GFRA1: variants seen among roughly 807,000 people sequenced by gnomAD.
The protein encoded by GFRA1 is GDNF family receptor alpha 1.
GFRA1 carries 16 observed loss-of-function variants against 51.6 expected under a neutral mutation model. The ratio of observed to expected loss-of-function variants is 0.31; its 90% CI spans 0.21 to 0.47. The LOEUF (loss-of-function observed/expected upper bound fraction) is 0.47, where lower values mean the gene tolerates loss of function less well. GFRA1 is among the 20% of genes least tolerant of loss of function. The pLI is 1.00. For missense variants in GFRA1, 530 were observed against 594.3 expected (o/e 0.89, Z 1.13); for synonymous variants, 270 against 241.3 (o/e 1.12, Z -1.10).
At chr10:116,242,260 G>A (rs1453098778) in intron 4 of GFRA1, among the ~76,000 whole-genome samples, 3 of 152,160 alleles carry the variant, frequency 2.0e-5, no homozygotes, top group Admixed American at 1.3e-4. Flanking sequence ...TTACAATTAT[G>A]TGCAGATGTA....
intron 9 of GFRA1, among the ~76,000 whole-genome samples, chr10:116,067,178 C>T (rs1326153911): frequency 1.3e-5 from 2 of 152,192 alleles, no homozygotes; most frequent in Non-Finnish European, 2.9e-5. Context: ...CAAAAGCCTA[C>T]TTTTAATCTA....
intron 4 of GFRA1, among the ~76,000 whole-genome samples, chr10:116,259,815 A>T (rs892540182): frequency 2.0e-4 from 31 of 152,218 alleles, no homozygotes; most frequent in Admixed American, 5.9e-4. Context: ...TGGCCTTAAG[A>T]AAGTTACTCA....
intron 9 of GFRA1, among the ~76,000 whole-genome samples, chr10:116,069,421 C>T (rs1329498973): frequency 6.6e-6 from 1 of 152,110 alleles, no homozygotes; most frequent in Non-Finnish European, 1.5e-5. Flanking sequence ...GAAAATTATA[C>T]TAGAGAGGCC....
intron 5 of GFRA1, among the ~76,000 whole-genome samples, chr10:116,179,290 T>C (rs1195336482): frequency 2.0e-5 from 3 of 152,226 alleles, no homozygotes; most frequent in African/African-American, 7.2e-5. Flanking sequence ...CATCACTATT[T>C]TCATCACCAT....
chr10:116,125,596 C>A, intron 5 of GFRA1, 39 bp from the exon 6 acceptor site: 1 of 1,477,142 alleles, frequency 6.8e-7, no homozygotes, highest in South Asian at 1.2e-5. Flanking sequence ...TCACAGTGCT[C>A]GGCTCTGTGT....
At chr10:116,161,055 C>G (rs1959726045) in intron 5 of GFRA1, among the ~76,000 whole-genome samples, 1 of 152,148 alleles carries the variant, frequency 6.6e-6, no homozygotes, top group Non-Finnish European at 1.5e-5. Context: ...GGAGGAGGAG[C>G]CTGGGAGGCA....
chr10:116,182,395 A>G lies in GFRA1; in HGVS notation c.433+29236T>C, dbSNP rs555827919. On this transcript the variant is annotated intron_variant, in intron 5 of 10. Coordinates refer to ENST00000355422, the MANE Select transcript of GFRA1 (RefSeq NM_005264.8). Reference sequence around the variant, plus strand: ...TTTTAAGTGGCAGAGCTTGGACTGAATATTACTCTTTTTGTAATCACTCTC... The same window carrying G: ...TTTTAAGTGGCAGAGCTTGGACTGAGTATTACTCTTTTTGTAATCACTCTC... Among the ~76,000 whole-genome samples the G allele has an allele frequency of 2.6e-5, 4 of 152,328 alleles. No homozygotes were observed. The South Asian group carries it at 8.3e-4, about 32-fold the overall frequency.
intron 4 of GFRA1, among the ~76,000 whole-genome samples, chr10:116,222,406 C>CCAGGCTGGT (rs1462633393): frequency 1.3e-5 from 2 of 152,082 alleles, no homozygotes; most frequent in African/African-American, 4.8e-5. Context: ...GCCATGCTGG[C>CCAGGCTGGT]CAGGCTGGTC....
At chr10:116,251,652 C>T (rs558124799) in intron 4 of GFRA1, among the ~76,000 whole-genome samples, 4 of 152,326 alleles carry the variant, frequency 2.6e-5, no homozygotes, top group African/African-American at 9.6e-5. Context: ...AACACTTCAG[C>T]CAGTAGAGTT....
Position 116,198,189 on chromosome 10 carries a change from C to T in GFRA1, c.433+13442G>A, listed in dbSNP as rs149155723. 6.4e-3 allele frequency among the ~76,000 whole-genome samples: 979 copies of T among 152,138 alleles called. 13 individuals carry two copies. Among genetic ancestry groups the T allele is most frequent in the African/African-American group, 0.023 (945 of 41,482 alleles). On this transcript the variant is annotated intron_variant, in intron 5 of 10. Coordinates refer to ENST00000355422, the MANE Select transcript of GFRA1 (RefSeq NM_005264.8). ...TTAATTTATAGACCTCCCTCCCCAA[C>T]GCCCCCACACGATACAGGTGGTTTC...
At chr10:116,190,400 C>G (rs1963143616) in intron 5 of GFRA1, among the ~76,000 whole-genome samples, 1 of 152,196 alleles carries the variant, frequency 6.6e-6, no homozygotes, top group African/African-American at 2.4e-5. Context: ...GCAATGTGCT[C>G]TCAAGAAGTC....
chr10:116,205,626 T>TATATATATATATATATATATATATATA (rs1964688443), intron 5 of GFRA1, among the ~76,000 whole-genome samples: 1 of 137,322 alleles, frequency 7.3e-6, no homozygotes, highest in African/African-American at 2.7e-5. Flanking sequence ...TATATATATA[T>TATATATATATATATATATATATATATA]TCTTTAAAAG....
intron 8 of GFRA1, among the ~76,000 whole-genome samples, chr10:116,092,749 A>G (rs1418383939): frequency 5.9e-5 from 9 of 152,164 alleles, no homozygotes; most frequent in Admixed American, 5.9e-4. Flanking sequence ...AAAACCACCT[A>G]TGTCTATGAG....
intron 4 of GFRA1, among the ~76,000 whole-genome samples, chr10:116,243,561 T>G (rs561717714): frequency 1.3e-4 from 19 of 150,924 alleles, no homozygotes; most frequent in South Asian, 4.2e-4. Context: ...GGGTTTGGTT[T>G]TTTTTTTAAG....
intron 5 of GFRA1, among the ~76,000 whole-genome samples, chr10:116,166,507 A>T (rs1301200828): frequency 6.6e-6 from 1 of 152,126 alleles, no homozygotes; most frequent in Non-Finnish European, 1.5e-5. Flanking sequence ...CTCTCTCCAC[A>T]GTTTTCTTCT....
intron 5 of GFRA1, among the ~76,000 whole-genome samples, chr10:116,149,814 A>G (rs1487657710): frequency 1.3e-5 from 2 of 152,130 alleles, no homozygotes; most frequent in South Asian, 2.1e-4. Flanking sequence ...GCTTCCTATT[A>G]TCAAACCATT....
At chr10:116,223,200 T>C (rs1244005832) in intron 4 of GFRA1, among the ~76,000 whole-genome samples, 7 of 152,074 alleles carry the variant, frequency 4.6e-5, no homozygotes, top group Admixed American at 4.6e-4. Flanking sequence ...AATGACATCA[T>C]CCAGGAAAAA....
chr10:116,221,888 G>A (rs543768761), intron 4 of GFRA1, among the ~76,000 whole-genome samples: 6 of 151,986 alleles, frequency 3.9e-5, no homozygotes, highest in Non-Finnish European at 5.9e-5. Flanking sequence ...CTAAAATATT[G>A]CAACTGTTTC....
At chr10:116,270,057 C>G (rs766945213) in intron 3 of GFRA1, among the ~76,000 whole-genome samples, 2 of 152,168 alleles carry the variant, frequency 1.3e-5, no homozygotes, top group Non-Finnish European at 2.9e-5. Flanking sequence ...GAGGAAGTGA[C>G]CGCTGACAGG....
Sources: allele counts gnomAD v4.1 joint callset (sites outside exome capture counted in the v4.1 genomes callset), GRCh38; gene constraint gnomAD v4.1.1; transcripts MANE v1.5; gene names NCBI Gene and HGNC (gene_info 2026-07-23, HGNC 2026-07-21).